CLEC16A: variants seen among roughly 807,000 people sequenced by gnomAD.
The protein encoded by CLEC16A is protein CLEC16A.
Under a neutral mutation model 109.5 loss-of-function variants are expected in CLEC16A, and 51 were observed. The ratio of observed to expected loss-of-function variants is 0.47; its 90% confidence interval spans 0.37 to 0.59. The LOEUF (loss-of-function observed/expected upper bound fraction) is 0.59, where lower values mean the gene tolerates loss of function less well. Ranked by LOEUF, CLEC16A falls within the 20% of genes least tolerant of loss-of-function variation. The pLI is 0.00. For synonymous variants in CLEC16A, 673 were observed against 564.2 expected (o/e 1.19, Z -2.73); for missense variants, 1,339 against 1,394.0 (o/e 0.96, Z 0.63).
chr16:10,977,103 C>G, intron 7 of CLEC16A, 122 bp from the exon 8 acceptor site: 1 of 893,398 alleles, frequency 1.1e-6, no homozygotes. Context: ...GGATAAGTGT[C>G]TCTTGAGACT....
At chr16:11,092,361 AACACACACACACACACACACACACACAC>A (rs3030566) in intron 19 of CLEC16A, among the ~76,000 whole-genome samples, 1 of 132,436 alleles carries the variant, frequency 7.6e-6, no homozygotes, top group African/African-American at 2.8e-5. Context: ...AACAAAAACA[AACACACACACACACACACACACACACAC>A]ACACACACAC....
intron 22 of CLEC16A, among the ~76,000 whole-genome samples, chr16:11,128,447 G>T (rs2052979979): frequency 6.6e-6 from 1 of 152,224 alleles, no homozygotes; most frequent in Admixed American, 6.5e-5. Flanking sequence ...CAAGTGTGAG[G>T]CTGTGCCAAC....
At chr16:11,098,191 T>C (rs905481619) in intron 19 of CLEC16A, among the ~76,000 whole-genome samples, 10 of 152,184 alleles carry the variant, frequency 6.6e-5, no homozygotes, top group African/African-American at 2.4e-4. Flanking sequence ...CGCACTAGCA[T>C]GGTGGCAAAC....
intron 19 of CLEC16A, among the ~76,000 whole-genome samples, chr16:11,102,436 T>C (rs1406396636): frequency 1.3e-5 from 2 of 152,244 alleles, no homozygotes; most frequent in African/African-American, 4.8e-5. Flanking sequence ...TTACTGTTAA[T>C]GTTTGAAGTA....
chr16:11,095,950 A>G (rs1300588802), intron 19 of CLEC16A, among the ~76,000 whole-genome samples: 1 of 152,128 alleles, frequency 6.6e-6, no homozygotes, highest in Non-Finnish European at 1.5e-5. Flanking sequence ...TCAGCCTCCC[A>G]AGTAGCTAGG....
In CLEC16A at chr16:10,997,449, C is replaced by G. The variant is rs949416123; in HGVS notation, c.1072-5625C>G. Among the ~76,000 whole-genome samples the G allele has an allele frequency of 2.6e-5, 4 of 152,326 alleles. No individual in the cohort carries two copies. The East Asian group carries it at 7.7e-4, about 29-fold the overall frequency. ...CAGTTTGTAACCCATACCTCCACCCCACCCAAGAGAATCACCATCCTAACT... is the reference window on the plus strand; with the variant it reads ...CAGTTTGTAACCCATACCTCCACCCGACCCAAGAGAATCACCATCCTAACT... On this transcript the variant is annotated intron_variant, in intron 10 of 23. Transcript: ENST00000409790.
intron 11 of CLEC16A, among the ~76,000 whole-genome samples, chr16:11,011,897 T>C (rs9925833): frequency 0.11 from 16,499 of 152,008 alleles, 1,056 homozygotes; most frequent in African/African-American, 0.18. Flanking sequence ...GAGCCCTGAC[T>C]CCTAACAACG....
chr16:11,035,932 TG>T (rs2046991797), intron 13 of CLEC16A: 1 of 152,342 alleles, frequency 6.6e-6, no homozygotes, highest in Non-Finnish European at 1.5e-5. Context: ...GGAGAGAGAA[TG>T]GGGCCCCTGG....
At chr16:10,953,250 A>G (rs908270609) in intron 1 of CLEC16A, among the ~76,000 whole-genome samples, 37 of 152,234 alleles carry the variant, frequency 2.4e-4, no homozygotes, top group Admixed American at 2.3e-3. Context: ...ATTAATGACA[A>G]TGGTGGCGCT....
At chr16:11,009,920 A>G (rs77882500) in intron 11 of CLEC16A, among the ~76,000 whole-genome samples, 31 of 152,264 alleles carry the variant, frequency 2.0e-4, no homozygotes, top group African/African-American at 7.0e-4. Context: ...TCGGGAGGCC[A>G]ACACAAGAGG....
chr16:11,029,583 CT>C (rs893368434), intron 13 of CLEC16A, among the ~76,000 whole-genome samples: 2 of 152,014 alleles, frequency 1.3e-5, no homozygotes, highest in African/African-American at 4.8e-5. Context: ...GTGCTTCTCC[CT>C]CTCAGGGATC....
At chr16:11,155,327 G>A (rs1026373637) in intron 22 of CLEC16A, among the ~76,000 whole-genome samples, 33 of 152,292 alleles carry the variant, frequency 2.2e-4, no homozygotes, top group Admixed American at 2.0e-4. Flanking sequence ...ACACAGGCTC[G>A]TGGGGTGAAC....
chr16:10,972,695 A>C (rs1208231353), intron 6 of CLEC16A, 136 bp downstream of exon 6: 1 of 873,214 alleles, frequency 1.1e-6, no homozygotes, highest in Non-Finnish European at 1.8e-6. Flanking sequence ...TGCACCATTA[A>C]TGTTTAGCCC....
chr16:11,057,827 G>C (rs1269002378), intron 18 of CLEC16A, among the ~76,000 whole-genome samples: 2 of 152,186 alleles, frequency 1.3e-5, no homozygotes, highest in Admixed American at 6.5e-5. Flanking sequence ...TTGGAATCTA[G>C]TTATTCACTA....
intron 13 of CLEC16A, among the ~76,000 whole-genome samples, chr16:11,032,705 G>A (rs1038760319): frequency 6.6e-5 from 10 of 152,210 alleles, no homozygotes; most frequent in African/African-American, 2.2e-4. Context: ...AGAGTGAGAA[G>A]GAGCCAGCTC....
chr16:11,102,183 C>A (rs554434971), intron 19 of CLEC16A, among the ~76,000 whole-genome samples: 1 of 152,100 alleles, frequency 6.6e-6, no homozygotes, highest in Non-Finnish European at 1.5e-5. Context: ...ATGGCTGAAA[C>A]GTAGTTTAAA....
chr16:10,947,881 G>A (rs933358427), intron 1 of CLEC16A, among the ~76,000 whole-genome samples: 2 of 151,366 alleles, frequency 1.3e-5, no homozygotes, highest in Admixed American at 1.3e-4. Flanking sequence ...AATACACAAG[G>A]CATCTGGAAA....
intron 23 of CLEC16A, among the ~76,000 whole-genome samples, chr16:11,172,764 C>T (rs2068578631): frequency 6.6e-6 from 1 of 152,096 alleles, no homozygotes; most frequent in African/African-American, 2.4e-5. Context: ...TGGTAGGCGT[C>T]TGTAATCCCA....
chr16:11,063,277 CTTT>C lies in CLEC16A; in HGVS notation c.2116+2275_2116+2277del, dbSNP rs56409015. On this transcript the variant is annotated intron_variant, in intron 19 of 23. Transcript: ENST00000409790. ...GTTTATTTGGTTTTTTTCTTCTTTCCTTTTTTTTTTTTTTTTTTTTTTGAGGGA... is the reference window on the plus strand; with the variant it reads ...GTTTATTTGGTTTTTTTCTTCTTTCCTTTTTTTTTTTTTTTTTTTGAGGGA... 4.7e-3 allele frequency among the ~76,000 whole-genome samples: 370 copies of C among 79,086 alleles called. 2 individuals carry two copies. Among genetic ancestry groups the C allele is most frequent in the East Asian group, 0.04 (104 of 2,620 alleles). The allele number at this position is 79,086 out of a possible 152,430, so 51.9% of individuals were successfully genotyped here. A position where few individuals can be genotyped will look rare whatever the true frequency, so the allele number is the denominator to read the frequency against.
Sources: allele counts gnomAD v4.1 joint callset (sites outside exome capture counted in the v4.1 genomes callset), GRCh38; gene constraint gnomAD v4.1.1; transcripts MANE v1.5; gene names NCBI Gene and HGNC (gene_info 2026-07-23, HGNC 2026-07-21).